The following PRR29 variants were observed in gnomAD, a reference collection of about 807,000 sequenced individuals.
PRR29 encodes proline-rich protein 29.
PRR29 carries 20 observed loss-of-function variants against 25.1 expected under a neutral mutation model. That is an observed-to-expected ratio of 0.80 (90% confidence interval 0.56 to 1.16). The LOEUF is 1.16. Among genes scored for constraint, PRR29 ranks in the 50% most tolerant of loss-of-function variants. The probability of loss-of-function intolerance (pLI) is 0.00; values close to 1 mark genes in which losing one functional copy is unlikely to be tolerated. For synonymous variants in PRR29, 108 were observed against 102.6 expected, an observed-to-expected ratio of 1.05 and a Z score of -0.32; for missense variants, 238 against 246.6, an observed-to-expected ratio of 0.97 and a Z score of 0.23.
rs1353329968 is a variant in PRR29, at chr17:64,001,702, G to A, written c.542-31G>A. The A allele has an allele frequency of 2.0e-6, 3 of 1,535,856 alleles. No individual in the cohort carries two copies. The Admixed American group carries it at 5.9e-5, about 30-fold the overall frequency. ...CTCTTTGGGGTCCACTGAGACAGGA[G>A]GGAGTCAAGATGAGGTTCTTGTTTC... On this transcript the variant is annotated intron_variant, in intron 5 of 5. Coordinates refer to ENST00000412177, the MANE Select transcript of PRR29 (RefSeq NM_001164257.2).
At chr17:64,001,030 G>A in intron 3 of PRR29, 54 bp from the exon 4 acceptor site, 1 of 1,402,786 alleles carries the variant, frequency 7.1e-7, no homozygotes, top group Non-Finnish European at 9.8e-7. Context: ...GTGGCGGTGG[G>A]GAGAGCCTGA....
chr17:64,002,870 C>T lies in PRR29; in HGVS notation c.*1109C>T. On this transcript the variant is annotated 3_prime_UTR_variant, in exon 6 of 6. Transcript: ENST00000412177. Reference sequence around the variant, plus strand: ...GCAGGACAGATGTCACGAACAGGGACAGCAACACCGACACCACCGTGACTA... The same window carrying T: ...GCAGGACAGATGTCACGAACAGGGATAGCAACACCGACACCACCGTGACTA... 2 of 1,613,954 alleles carry T rather than the reference C, an allele frequency of 1.2e-6. No individual in the cohort carries two copies. The highest frequency in any genetic ancestry group is 1.1e-5 in the South Asian group (1 of 91,068).
chr17:64,002,401 G>A lies in PRR29; in HGVS notation c.*640G>A. ...GGAACAGTGTGTCCTCTGCCCCCTG[G>A]GCCAGGGTGTGTTTCCCCCACCCTC... On this transcript the variant is annotated 3_prime_UTR_variant, in exon 6 of 6. Coordinates refer to ENST00000412177, the MANE Select transcript of PRR29 (RefSeq NM_001164257.2). 1 of 402,950 alleles carries A rather than the reference G, an allele frequency of 2.5e-6. No homozygotes were observed. Among genetic ancestry groups the A allele is most frequent in the South Asian group, 3.2e-5 (1 of 31,484 alleles). The allele number at this position is 402,950 out of a possible 1,614,324, so 25.0% of individuals were successfully genotyped here. A position where few individuals can be genotyped will look rare whatever the true frequency, so the allele number is the denominator to read the frequency against.
In PRR29 at chr17:64,001,212, G is replaced by A; in HGVS notation, c.372G>A (p.Leu124=). 3 of 1,537,384 alleles carry A rather than the reference G, an allele frequency of 2.0e-6. No individual in the cohort carries two copies. The highest frequency in any genetic ancestry group is 1.2e-5 in the South Asian group (1 of 84,058). ...PYLMPSPGAL[L]PWPAPFFPTP... Reference sequence around the variant, plus strand: ...TGATGCCCTCCCCGGGTGCCCTGCTGCCCTGGCCAGCCCCCTTCTTCCCCA... The same window carrying A: ...TGATGCCCTCCCCGGGTGCCCTGCTACCCTGGCCAGCCCCCTTCTTCCCCA... The change falls in exon 4 of 6, where the codon CTG becomes CTA. Residue 124 remains leucine, a synonymous_variant. Coordinates refer to ENST00000412177, the MANE Select transcript of PRR29 (RefSeq NM_001164257.2).
intron 5 of PRR29, 25 bp from the exon 6 acceptor site, chr17:64,001,708 C>G: frequency 7.8e-6 from 12 of 1,536,268 alleles, no homozygotes; most frequent in Non-Finnish European, 1.0e-5. Context: ...AGGAGGGAGT[C>G]AAGATGAGGT....
At position 64,002,954 on chromosome 17, in the gene PRR29, A is replaced by G; in HGVS notation, c.*1193A>G. 4 of 1,597,432 alleles carry G rather than the reference A, an allele frequency of 2.5e-6. No homozygotes were observed. The highest frequency in any genetic ancestry group is 1.3e-5 in the African/African-American group (1 of 74,588). ...GGGAGGGAGGGGGCAAGGGTCTTAG[A>G]CGTCCTGTGATCCCAGTTACCAGGG... On this transcript the variant is annotated 3_prime_UTR_variant, in exon 6 of 6. Transcript: ENST00000412177.
Position 63,999,083 on chromosome 17 carries a change from G to A in PRR29, c.243+9G>A. On this transcript the variant is annotated intron_variant, in intron 3 of 5. Transcript: ENST00000412177. ...CCTCGCCCTGCCCTCAGGTGCGTGT[G>A]GGTGGGCCGCCGGGGTCGCTCACCT... is the stretch of plus-strand genomic sequence containing the variant. 2.0e-6 allele frequency: 3 copies of A among 1,533,350 alleles called. No homozygotes were observed. The highest frequency in any genetic ancestry group is 1.2e-5 in the South Asian group (1 of 83,924). 95.0% of individuals were successfully genotyped at this position (1,533,350 alleles called of 1,614,324 possible). A position where few individuals can be genotyped will look rare whatever the true frequency, so the allele number is the denominator to read the frequency against.
intron 3 of PRR29, among the ~76,000 whole-genome samples, chr17:64,000,203 C>T (rs999694678): frequency 1.3e-5 from 2 of 152,206 alleles, no homozygotes; most frequent in African/African-American, 4.8e-5. Context: ...CTGGGGGTCA[C>T]ACCTGGAATC....
In PRR29 at chr17:64,002,861, G is replaced by A. The variant is rs202007015; in HGVS notation, c.*1100G>A. On this transcript the variant is annotated 3_prime_UTR_variant, in exon 6 of 6. Coordinates refer to ENST00000412177, the MANE Select transcript of PRR29 (RefSeq NM_001164257.2). ...TGAAGCAGAGCAGGACAGATGTCAC[G>A]AACAGGGACAGCAACACCGACACCA... 1.8e-5 allele frequency: 29 copies of A among 1,613,836 alleles called. No homozygotes were observed. The highest frequency in any genetic ancestry group is 5.5e-5 in the South Asian group (5 of 91,074).
intron 3 of PRR29, chr17:63,999,736 T>G: frequency 6.4e-6 from 1 of 156,128 alleles, no homozygotes; most frequent in Non-Finnish European, 1.4e-5. Flanking sequence ...TGCAAGTGGG[T>G]GTCTGTGTGC....
Position 63,998,949 on chromosome 17 carries a change from G to T in PRR29, c.137-19G>T. ...GGACTCGGAGGCCCGGCGTGGGCTTGCTGAACCCCGCTTCCTAGACCTGCT... is the reference window on the plus strand; with the variant it reads ...GGACTCGGAGGCCCGGCGTGGGCTTTCTGAACCCCGCTTCCTAGACCTGCT... On this transcript the variant is annotated intron_variant, in intron 2 of 5. Coordinates refer to ENST00000412177, the MANE Select transcript of PRR29 (RefSeq NM_001164257.2). 1 of 1,535,714 alleles carries T rather than the reference G, an allele frequency of 6.5e-7. No individual in the cohort carries two copies. The highest frequency in any genetic ancestry group is 8.7e-7 in the Non-Finnish European group (1 of 1,146,284).
In PRR29 at chr17:64,002,268, G is replaced by A; in HGVS notation, c.*507G>A. On this transcript the variant is annotated 3_prime_UTR_variant, in exon 6 of 6. Transcript: ENST00000412177. ...CGCCCCTGAGCAGAGTCAGTTCGCT[G>A]GGCCCCCCACCCCTCATCCCAGGAA... 1 of 510,150 alleles carries A rather than the reference G, an allele frequency of 2.0e-6. No homozygotes were observed. The allele number at this position is 510,150 out of a possible 1,614,324, so 31.6% of individuals were successfully genotyped here. A position where few individuals can be genotyped will look rare whatever the true frequency, so the allele number is the denominator to read the frequency against.
At position 64,002,319 on chromosome 17, in the gene PRR29, G is replaced by C. The variant is rs998066170; in HGVS notation, c.*558G>C. 1.5e-5 allele frequency: 7 copies of C among 452,706 alleles called. No individual in the cohort carries two copies. Among genetic ancestry groups the C allele is most frequent in the African/African-American group, 1.4e-4 (7 of 50,902 alleles). The allele number at this position is 452,706 out of a possible 1,614,324, so 28.0% of individuals were successfully genotyped here. A position where few individuals can be genotyped will look rare whatever the true frequency, so the allele number is the denominator to read the frequency against. ...GCAGCTCTGTTGGCAGAAAGGAGAGGTCAGAGCTTTGTCCTGCTGTGGCCA... is the reference window on the plus strand; with the variant it reads ...GCAGCTCTGTTGGCAGAAAGGAGAGCTCAGAGCTTTGTCCTGCTGTGGCCA... On this transcript the variant is annotated 3_prime_UTR_variant, in exon 6 of 6. Coordinates refer to ENST00000412177, the MANE Select transcript of PRR29 (RefSeq NM_001164257.2).
In PRR29 at chr17:64,002,078, AC is replaced by A. The variant is rs1910810581; in HGVS notation, c.*320del. 7 of 1,299,528 alleles carry A rather than the reference AC, an allele frequency of 5.4e-6. 1 individual carries two copies. The South Asian group carries it at 9.8e-5, about 18-fold the overall frequency. The allele number at this position is 1,299,528 out of a possible 1,614,324, so 80.5% of individuals were successfully genotyped here. A position where few individuals can be genotyped will look rare whatever the true frequency, so the allele number is the denominator to read the frequency against. Reference sequence around the variant, plus strand: ...GGGGAGGCCTGGGAACAGAGCCCCCACCCTCTCTCCCTCACCCCTCTCTCTG... The same window carrying A: ...GGGGAGGCCTGGGAACAGAGCCCCCACCTCTCTCCCTCACCCCTCTCTCTG... On this transcript the variant is annotated 3_prime_UTR_variant, in exon 6 of 6. Coordinates refer to ENST00000412177, the MANE Select transcript of PRR29 (RefSeq NM_001164257.2).
Position 64,002,920 on chromosome 17 carries a change from C to G in PRR29, c.*1159C>G. 3 of 1,612,932 alleles carry G rather than the reference C, an allele frequency of 1.9e-6. No individual in the cohort carries two copies. The Middle Eastern group carries it at 5.0e-4, about 266-fold the overall frequency. ...ATGATGACCATCTGGCTGTCCGACA[C>G]AGGCTCTGGGGAGGGAGGGGGCAAG... On this transcript the variant is annotated 3_prime_UTR_variant, in exon 6 of 6. Transcript: ENST00000412177.
In PRR29 at chr17:64,003,164, C is replaced by T; in HGVS notation, c.*1403C>T. ...CTGGACTTCTGTGTGGCTGTGAGGG[C>T]AGATGTCCCCTTGTCAGCAGCCATG... On this transcript the variant is annotated 3_prime_UTR_variant, in exon 6 of 6. Transcript: ENST00000412177. 1.9e-6 allele frequency: 1 copy of T among 530,516 alleles called. No individual in the cohort carries two copies. Among genetic ancestry groups the T allele is most frequent in the Non-Finnish European group, 3.4e-6 (1 of 295,172 alleles). The allele number at this position is 530,516 out of a possible 1,614,324, so 32.9% of individuals were successfully genotyped here. A position where few individuals can be genotyped will look rare whatever the true frequency, so the allele number is the denominator to read the frequency against.
Position 64,003,796 on chromosome 17 carries a change from G to A in PRR29, c.*2035G>A, listed in dbSNP as rs755357138. The A allele has an allele frequency of 1.2e-6, 2 of 1,614,256 alleles. No homozygotes were observed. The highest frequency in any genetic ancestry group is 2.2e-5 in the South Asian group (2 of 91,088). ...TGTGGCTGTGGCCTCCTGCGGAGCA[G>A]GGGCTGCCTTCCCGAAGGTCTCATA... On this transcript the variant is annotated 3_prime_UTR_variant, in exon 6 of 6. Transcript: ENST00000412177.
In PRR29 at chr17:64,001,271, C is replaced by T; in HGVS notation, c.431C>T (p.Pro144Leu). Reference sequence around the variant, plus strand: ...TGTCAGCCCTACTTGCAGGACGTGCCCAGGATTCAGCACTGTCCTGCCTCC... The same window carrying T: ...TGTCAGCCCTACTTGCAGGACGTGCTCAGGATTCAGCACTGTCCTGCCTCC... ...PACQPYLQDV[P>L]RIQHCPASRE... The change falls in exon 4 of 6, where the codon CCC becomes CTC. Residue 144 changes from proline to leucine, a missense_variant. By Grantham distance (98) the Pro-to-Leu change is moderately conservative (BLOSUM62 -3). Coordinates refer to ENST00000412177, the MANE Select transcript of PRR29 (RefSeq NM_001164257.2). The T allele has an allele frequency of 6.5e-7, 1 of 1,537,250 alleles. No individual in the cohort carries two copies. The highest frequency in any genetic ancestry group is 8.7e-7 in the Non-Finnish European group (1 of 1,146,920).
chr17:63,998,477 T>A, intron 1 of PRR29, 53 bp downstream of exon 1: 1 of 1,436,352 alleles, frequency 7.0e-7, no homozygotes, highest in Admixed American at 2.6e-5. Context: ...GACGGCAGAG[T>A]GGGGAGCTGT....
Sources: gnomAD v4.1 joint callset for allele counts (sites outside exome capture counted in the v4.1 genomes callset) on GRCh38, gnomAD v4.1.1 for gene constraint, MANE v1.5 for transcripts, NCBI Gene and HGNC (gene_info 2026-07-23, HGNC 2026-07-21) for gene names.